Variants in ANKDD1A observed in about 807,000 individuals in gnomAD.
ANKDD1A encodes the protein ankyrin repeat and death domain-containing protein 1A.
ANKDD1A carries 59 observed loss-of-function variants against 63.5 expected under a neutral mutation model. That is an observed-to-expected ratio of 0.93 (90% CI 0.75 to 1.15). The LOEUF (loss-of-function observed/expected upper bound fraction) is 1.15, where lower values mean the gene tolerates loss of function less well. ANKDD1A is among the 50% of genes most tolerant of loss of function. ANKDD1A has a pLI of 0.00. For synonymous variants in ANKDD1A, 266 were observed against 263.9 expected (o/e 1.01, Z -0.08); for missense variants, 632 against 656.4 (o/e 0.96, Z 0.41).
At chr15:64,943,730 A>T in intron 11 of ANKDD1A, 148 bp downstream of exon 11, 1 of 739,986 alleles carries the variant, frequency 1.4e-6, no homozygotes, top group Non-Finnish European at 2.3e-6. Flanking sequence ...AGCCTCCTCC[A>T]GGAAGCCTTC....
chr15:64,915,735 C>G (rs1333353889), intron 1 of ANKDD1A, 62 bp from the exon 2 acceptor site: 1 of 1,447,272 alleles, frequency 6.9e-7, no homozygotes, highest in Non-Finnish European at 9.7e-7. Context: ...GGTTGTTTAC[C>G]TCTCCTGTCT....
chr15:64,943,293 G>A (rs2085198596), intron 10 of ANKDD1A, 191 bp from the exon 11 acceptor site: 6 of 584,066 alleles, frequency 1.0e-5, no homozygotes, highest in Non-Finnish European at 1.8e-5. Flanking sequence ...TGTCATGTTG[G>A]GGTAAAAAAA....
intron 9 of ANKDD1A, among the ~76,000 whole-genome samples, chr15:64,940,190 A>G (rs2140377636): frequency 6.6e-6 from 1 of 152,322 alleles, no homozygotes; most frequent in Non-Finnish European, 1.5e-5. Context: ...ATTTCACTGA[A>G]GAGGATATAC....
At chr15:64,943,992 C>A (rs1278932414) in intron 11 of ANKDD1A, among the ~76,000 whole-genome samples, 1 of 152,192 alleles carries the variant, frequency 6.6e-6, no homozygotes, top group Non-Finnish European at 1.5e-5. Context: ...TGCTAGTGGT[C>A]TCAGAAGAGC....
chr15:64,949,339 G>C (rs1283141708), intron 13 of ANKDD1A, among the ~76,000 whole-genome samples: 1 of 152,218 alleles, frequency 6.6e-6, no homozygotes, highest in African/African-American at 2.4e-5. Context: ...ATGGGCCCTA[G>C]GTGTTTCCAA....
chr15:64,912,016 C>T lies in ANKDD1A; in HGVS notation c.34+52C>T, dbSNP rs949890364. On this transcript the variant is annotated intron_variant, in intron 1 of 14. Transcript: ENST00000319580. ...GGCGGGCCGAGGCCGAGAGGACCCC[C>T]GCATCCGTTTGGGGAGTGCCAGGGG... The T allele has an allele frequency of 9.7e-6, 12 of 1,236,908 alleles. 1 individual carries two copies. In the African/African-American group the frequency reaches 1.2e-4, roughly 13 times the overall value. The allele number at this position is 1,236,908 out of a possible 1,614,324, so 76.6% of individuals were successfully genotyped here.
chr15:64,953,556 TTTCTTCCTCCTTCTTCTTAGTTC>T (rs2085346852), intron 14 of ANKDD1A, among the ~76,000 whole-genome samples: 4 of 80,248 alleles, frequency 5.0e-5, no homozygotes, highest in South Asian at 5.9e-4. Flanking sequence ...CTTCTCCTTC[TTTCTTCCTCCTTCTTCTTAGTTC>T]TTCTTCTTCC....
intron 6 of ANKDD1A, among the ~76,000 whole-genome samples, chr15:64,929,249 T>G (rs1167278732): frequency 1.3e-5 from 2 of 152,118 alleles, no homozygotes; most frequent in Non-Finnish European, 2.9e-5. Flanking sequence ...TCACAGCTCA[T>G]TGCAGCCTCA....
chr15:64,919,086 G>A (rs2084990339), intron 3 of ANKDD1A, among the ~76,000 whole-genome samples: 1 of 152,182 alleles, frequency 6.6e-6, no homozygotes, highest in Non-Finnish European at 1.5e-5. Context: ...GAAATCCTGT[G>A]GTTGGAGGAA....
chr15:64,923,099 A>G (rs1382790257), intron 4 of ANKDD1A, among the ~76,000 whole-genome samples: 2 of 152,168 alleles, frequency 1.3e-5, no homozygotes, highest in Admixed American at 6.6e-5. Flanking sequence ...AGGCAGAATA[A>G]TGGCACCCCA....
chr15:64,939,557 G>A (rs1248616149), intron 9 of ANKDD1A, among the ~76,000 whole-genome samples: 1 of 152,160 alleles, frequency 6.6e-6, no homozygotes. Flanking sequence ...TGAAGCTGCA[G>A]TCAACTATGA....
chr15:64,957,128 G>C lies in ANKDD1A; in HGVS notation c.1509G>C (p.Gln503His), dbSNP rs1411628207. 4.5e-6 allele frequency: 2 copies of C among 443,804 alleles called. No homozygotes were observed. The highest frequency in any genetic ancestry group is 1.5e-4 in the East Asian group (2 of 13,098). The allele number at this position is 443,804 out of a possible 1,614,324, so 27.5% of individuals were successfully genotyped here. ...LAGWSTMARS[Q>H]LTATSASRVQ... is the part of the protein sequence containing the mutation. ...GCTGGAGTACAATGGCGAGATCTCAGCTCACGGCAACCTCCGCCTCCCGGG... is the reference window on the plus strand; with the variant it reads ...GCTGGAGTACAATGGCGAGATCTCACCTCACGGCAACCTCCGCCTCCCGGG... The change falls in exon 15 of 15, where the codon CAG becomes CAC. Residue 503 changes from glutamine (Q) to histidine (H), a missense_variant. Physicochemically the swap from Gln to His is conservative, Grantham distance 24. Coordinates refer to ENST00000319580, the MANE Select transcript of ANKDD1A (RefSeq NM_182703.6).
rs1316850793 is a variant in ANKDD1A at position 64,954,297 on chromosome 15, T to TC, written c.1484-2806_1484-2805insC. On this transcript the variant is annotated intron_variant, in intron 14 of 14. Transcript: ENST00000319580. ...TTTCTTCTTCCTTCTTAGTTCTCCT[T>TC]TTCTTCTCCTTCTCTTCCTTCTTAG... Among the ~76,000 whole-genome samples the TC allele has an allele frequency of 2.5e-3, 55 of 22,354 alleles. 1 individual carries two copies. Among genetic ancestry groups the TC allele is most frequent in the Non-Finnish European group, 0.014 (36 of 2,620 alleles). The allele number at this position is 22,354 out of a possible 152,430, so 14.7% of individuals were successfully genotyped here.
chr15:64,958,507 G>C lies in ANKDD1A; in HGVS notation c.*1319G>C, dbSNP rs1305371502. 6.6e-6 allele frequency: 1 copy of C among 152,000 alleles called. No individual in the cohort carries two copies. Among genetic ancestry groups the C allele is most frequent in the East Asian group, 1.9e-4 (1 of 5,200 alleles). 9.4% of individuals were successfully genotyped at this position (152,000 alleles called of 1,614,324 possible). A position where few individuals can be genotyped will look rare whatever the true frequency, so the allele number is the denominator to read the frequency against. On this transcript the variant is annotated 3_prime_UTR_variant, in exon 15 of 15. Coordinates refer to ENST00000319580, the MANE Select transcript of ANKDD1A (RefSeq NM_182703.6). ...AGAAAGTCTGTGAAAAAAAACAAAA[G>C]TAAAGTTATAAAAGGAAAAGAAAAC...
chr15:64,936,355 C>G (rs760520747), intron 9 of ANKDD1A, among the ~76,000 whole-genome samples: 2 of 152,020 alleles, frequency 1.3e-5, no homozygotes, highest in Non-Finnish European at 2.9e-5. Context: ...TGATGCCAGC[C>G]CAGTGGTCAA....
intron 14 of ANKDD1A, among the ~76,000 whole-genome samples, chr15:64,954,596 TCTCCTTCTTC>T (rs1566918911): frequency 6.6e-5 from 9 of 137,222 alleles, no homozygotes; most frequent in Non-Finnish European, 1.2e-4. Context: ...TCTTCCTTCT[TCTCCTTCTTC>T]CTCCTCCTTC....
intron 14 of ANKDD1A, among the ~76,000 whole-genome samples, chr15:64,954,646 CTTCTTCTCCTT>C (rs2085393083): frequency 8.0e-6 from 1 of 125,508 alleles, no homozygotes; most frequent in Non-Finnish European, 1.8e-5. Flanking sequence ...CTTCTTCCTT[CTTCTTCTCCTT>C]CTTTCTTCTT....
At chr15:64,935,027 C>G (rs1219350654) in intron 9 of ANKDD1A, among the ~76,000 whole-genome samples, 1 of 151,144 alleles carries the variant, frequency 6.6e-6, no homozygotes, top group East Asian at 2.0e-4. Context: ...GACTTCAAGA[C>G]CAGCCTGGGT....
chr15:64,946,791 T>G (rs902379893), intron 12 of ANKDD1A, among the ~76,000 whole-genome samples: 1 of 152,200 alleles, frequency 6.6e-6, no homozygotes, highest in Admixed American at 6.5e-5. Context: ...ACATAAGCTT[T>G]GGAACTGCAG....
Sources: allele counts gnomAD v4.1 joint callset (sites outside exome capture counted in the v4.1 genomes callset), GRCh38; gene constraint gnomAD v4.1.1; transcripts MANE v1.5; gene names NCBI Gene and HGNC (gene_info 2026-07-23, HGNC 2026-07-21).